GBP2: variants seen among roughly 807,000 people sequenced by gnomAD.
GBP2 encodes guanylate-binding protein 2.
GBP2 carries 54 observed loss-of-function variants against 60.8 expected under a neutral mutation model. The ratio of observed to expected loss-of-function variants is 0.89; its 90% CI spans 0.71 to 1.11. The LOEUF (loss-of-function observed/expected upper bound fraction) is 1.11, where lower values mean the gene tolerates loss of function less well. Ranked by LOEUF, GBP2 falls within the 50% of genes most tolerant of loss-of-function variation. The pLI, the probability that GBP2 is intolerant of heterozygous loss-of-function variation, is 0.00. For synonymous variants in GBP2, 243 were observed against 256.5 expected, an observed-to-expected ratio of 0.95 and a Z score of 0.50; for missense variants, 665 against 703.3, an observed-to-expected ratio of 0.95 and a Z score of 0.62.
At chr1:89,120,068 G>A in intron 4 of GBP2, 111 bp downstream of exon 4, 1 of 714,448 alleles carries the variant, frequency 1.4e-6, no homozygotes, top group Non-Finnish European at 2.5e-6. Context: ...ATTTATTAAA[G>A]AGAGGACTTA....
At chr1:89,123,767 G>A (rs1161061323) in intron 1 of GBP2, among the ~76,000 whole-genome samples, 2 of 152,164 alleles carry the variant, frequency 1.3e-5, no homozygotes, top group Non-Finnish European at 2.9e-5. Flanking sequence ...TTTTGAGTAT[G>A]CGAAATATCA....
intron 4 of GBP2, 56 bp from the exon 5 acceptor site, chr1:89,117,829 A>T: frequency 7.5e-7 from 1 of 1,334,290 alleles, no homozygotes; most frequent in Non-Finnish European, 1.0e-6. Flanking sequence ...ACTACATTTT[A>T]TCCTAATGCT....
chr1:89,112,618 T>C lies in GBP2; in HGVS notation c.1216A>G (p.Met406Val), dbSNP rs1376089692. Residue 406 changes from methionine to valine, a missense_variant, in exon 8 of 11, where the codon ATG becomes GTG. Transcript: ENST00000370466. ...CCAAATATATCCTGAAGTAAAGCCATGCAACAATCTGATGATGCTTTGGAA... is the reference window on the plus strand; with the variant it reads ...CCAAATATATCCTGAAGTAAAGCCACGCAACAATCTGATGATGCTTTGGAA... ...QNSKASSDCC[M>V]ALLQDIFGPL... 6.2e-7 allele frequency: 1 copy of C among 1,614,218 alleles called. No individual in the cohort carries two copies. The highest frequency in any genetic ancestry group is 1.7e-5 in the Admixed American group (1 of 60,028).
At chr1:89,121,299 G>T (rs752744270) in intron 2 of GBP2, 29 bp from the exon 3 acceptor site, 16 of 1,566,766 alleles carry the variant, frequency 1.0e-5, no homozygotes, top group East Asian at 4.5e-5. Flanking sequence ...AAAGGGAAAA[G>T]AAATTACTTA....
In GBP2 at chr1:89,114,225, C is replaced by A. The variant is rs1681223445; in HGVS notation, c.940G>T (p.Val314Phe). 2.5e-6 allele frequency: 4 copies of A among 1,614,116 alleles called. No individual in the cohort carries two copies. Among genetic ancestry groups the A allele is most frequent in the Non-Finnish European group, 3.4e-6 (4 of 1,180,048 alleles). Residue 314 changes from valine to phenylalanine, a missense_variant, in exon 7 of 11, where the codon GTC (valine) becomes TTC (phenylalanine). Transcript: ENST00000370466. ...SGDLPCMENA[V>F]LALAQIENSA... The stretch of plus-strand genomic sequence containing the variant: ...TTCTCTATCTGGGCCAAGGCCAGGA[C>A]TGCGTTCTCCATGCAGGGTAGATCC...
intron 10 of GBP2, among the ~76,000 whole-genome samples, chr1:89,109,393 C>G (rs1293115434): frequency 6.6e-6 from 1 of 152,144 alleles, no homozygotes; most frequent in African/African-American, 2.4e-5. Context: ...ACTAATAGTT[C>G]CTCTACCATT....
At position 89,124,189 on chromosome 1, in the gene GBP2, A is replaced by T. The variant is rs1296328142; in HGVS notation, c.-18+1674T>A. On this transcript the variant is annotated intron_variant, in intron 1 of 10. Transcript: ENST00000370466. Reference sequence around the variant, plus strand: ...GCAATTACAAACAATGCTGCAATGAAAACCTCTGCTAACCTTGTGAGTGTT... The same window carrying T: ...GCAATTACAAACAATGCTGCAATGATAACCTCTGCTAACCTTGTGAGTGTT... Among the ~76,000 whole-genome samples, 21 of 152,214 alleles carry T rather than the reference A, an allele frequency of 1.4e-4. 1 individual carries two copies. The highest frequency in any genetic ancestry group is 1.4e-3 in the Admixed American group (21 of 15,288).
intron 2 of GBP2, among the ~76,000 whole-genome samples, 167 bp from the exon 3 acceptor site, chr1:89,121,437 T>C (rs1423293801): frequency 2.0e-5 from 3 of 152,224 alleles, no homozygotes; most frequent in African/African-American, 7.2e-5. Context: ...TAATACACAC[T>C]GAAACATTCA....
At chr1:89,112,211 G>C (rs1017170922) in intron 8 of GBP2, among the ~76,000 whole-genome samples, 8 of 152,016 alleles carry the variant, frequency 5.3e-5, no homozygotes, top group African/African-American at 1.9e-4. Flanking sequence ...TATACAGTTA[G>C]GTCAAAATAA....
intron 8 of GBP2, 67 bp downstream of exon 8, chr1:89,112,405 T>C (rs1014391579): frequency 1.5e-6 from 2 of 1,357,460 alleles, no homozygotes; most frequent in Non-Finnish European, 2.1e-6. Flanking sequence ...ATTTACCTTC[T>C]TCCCAGTGGG....
At chr1:89,124,645 A>G (rs1383559768) in intron 1 of GBP2, among the ~76,000 whole-genome samples, 1 of 152,126 alleles carries the variant, frequency 6.6e-6, no homozygotes, top group African/African-American at 2.4e-5. Flanking sequence ...AGACTGTGGG[A>G]CTCAGGTTAC....
At chr1:89,117,493 T>G (rs1379111685) in intron 5 of GBP2, 84 bp downstream of exon 5, 2 of 1,231,404 alleles carry the variant, frequency 1.6e-6, no homozygotes, top group African/African-American at 3.1e-5. Context: ...TTAAAAATTA[T>G]AATTTTTAGC....
intron 4 of GBP2, chr1:89,118,568 TACTG>T: frequency 6.6e-6 from 1 of 152,294 alleles, no homozygotes; most frequent in South Asian, 2.1e-4. Flanking sequence ...TTTTAAATCA[TACTG>T]GCTGGCATTG....
chr1:89,107,860 G>T lies in GBP2; in HGVS notation c.*315C>A, dbSNP rs1681084937. On this transcript the variant is annotated 3_prime_UTR_variant, in exon 11 of 11. Coordinates refer to ENST00000370466, the MANE Select transcript of GBP2 (RefSeq NM_004120.5). ...AATCTACCCAGAACAGAAACTGCAA[G>T]ATATCTCATTGGAAAATGCATCCTA... is the stretch of plus-strand genomic sequence containing the variant. 1 of 247,946 alleles carries T rather than the reference G, an allele frequency of 4.0e-6. No individual in the cohort carries two copies. The highest frequency in any genetic ancestry group is 7.8e-6 in the Non-Finnish European group (1 of 127,960). 15.4% of individuals were successfully genotyped at this position (247,946 alleles called of 1,614,324 possible).
At chr1:89,116,929 T>C (rs2100616161) in intron 6 of GBP2, 63 bp downstream of exon 6, 1 of 1,569,300 alleles carries the variant, frequency 6.4e-7, no homozygotes, top group East Asian at 2.2e-5. Context: ...CTTTCCATTT[T>C]ATCCTCTACA....
intron 10 of GBP2, among the ~76,000 whole-genome samples, chr1:89,108,982 G>A (rs1434323508): frequency 6.6e-6 from 1 of 150,912 alleles, no homozygotes; most frequent in Non-Finnish European, 1.5e-5. Context: ...TGCAACCCCC[G>A]CCTCCCAGGT....
chr1:89,117,929 T>G (rs887729714), intron 4 of GBP2, 156 bp from the exon 5 acceptor site: 2 of 651,154 alleles, frequency 3.1e-6, no homozygotes. Flanking sequence ...AAACATTTAT[T>G]GAGCACCTAC....
intron 10 of GBP2, among the ~76,000 whole-genome samples, chr1:89,109,388 T>C (rs960931947): frequency 6.6e-6 from 1 of 152,220 alleles, no homozygotes; most frequent in African/African-American, 2.4e-5. Flanking sequence ...GAGAAACTAA[T>C]AGTTCCTCTA....
chr1:89,120,228 C>T lies in GBP2; in HGVS notation c.379G>A (p.Val127Met), dbSNP rs778125002. 3.5e-5 allele frequency: 56 copies of T among 1,613,892 alleles called. No homozygotes were observed. The East Asian group carries it at 4.0e-4, about 12-fold the overall frequency. The change falls in exon 4 of 11, where the codon GTG (valine) becomes ATG (methionine). Residue 127 changes from valine (V) to methionine (M), a missense_variant. Val to Met is a conservative substitution (Grantham distance 21). Coordinates refer to ENST00000370466, the MANE Select transcript of GBP2 (RefSeq NM_004120.5). ...TTGATGGTTCCCATGCTATTGTACA[C>T]GAAGGTGCTGCTCAGGAGGATGGCC... ...ALAILLSSTF[V>M]YNSMGTINQQ...
Sources: gnomAD v4.1 joint callset for allele counts (sites outside exome capture counted in the v4.1 genomes callset) on GRCh38, gnomAD v4.1.1 for gene constraint, MANE v1.5 for transcripts, NCBI Gene and HGNC (gene_info 2026-07-23, HGNC 2026-07-21) for gene names.